The following ERC2 variants were observed in gnomAD, a reference collection of about 807,000 sequenced individuals.
The protein encoded by ERC2 is ELKS/RAB6-interacting/CAST family member 2.
In ERC2, 42 loss-of-function variants were observed where a neutral mutation model predicts 114.8. The ratio of observed to expected loss-of-function variants is 0.37; its 90% CI spans 0.29 to 0.47. The LOEUF (loss-of-function observed/expected upper bound fraction) is 0.47, where lower values mean the gene tolerates loss of function less well. Ranked by LOEUF, ERC2 falls within the 20% of genes least tolerant of loss-of-function variation. The pLI, the probability that ERC2 is intolerant of heterozygous loss-of-function variation, is 0.99. For missense variants in ERC2, 939 were observed against 1,150.7 expected, an observed-to-expected ratio of 0.82 and a Z score of 2.66; for synonymous variants, 454 against 425.5, an observed-to-expected ratio of 1.07 and a Z score of -0.82.
intron 17 of ERC2, among the ~76,000 whole-genome samples, chr3:55,514,871 G>A (rs963462908): frequency 2.0e-5 from 3 of 152,134 alleles, no homozygotes; most frequent in African/African-American, 7.2e-5. Context: ...CTAATAAATG[G>A]GTGCTATTTT....
intron 17 of ERC2, among the ~76,000 whole-genome samples, chr3:55,629,917 T>C (rs1273077469): frequency 6.6e-6 from 1 of 152,138 alleles, no homozygotes; most frequent in Non-Finnish European, 1.5e-5. Context: ...GCTCCAAGCA[T>C]ATGAGACAGC....
intron 4 of ERC2, among the ~76,000 whole-genome samples, chr3:56,149,833 C>T (rs1179280560): frequency 5.9e-5 from 9 of 152,052 alleles, no homozygotes; most frequent in Non-Finnish European, 1.2e-4. Context: ...GAGCCAACAA[C>T]TAGAAATATT....
At chr3:55,678,590 C>A (rs1009429135) in intron 17 of ERC2, among the ~76,000 whole-genome samples, 4 of 152,228 alleles carry the variant, frequency 2.6e-5, no homozygotes, top group Admixed American at 6.5e-5. Context: ...GAGCCACCCA[C>A]TCTTGAAGTT....
Position 55,730,037 on chromosome 3 carries a change from C to T in ERC2, c.2712+4734G>A, listed in dbSNP as rs559844622. On this transcript the variant is annotated intron_variant, in intron 15 of 17. Transcript: ENST00000288221. ...TGCACACTCCTATTAATTCCCATCACCCTGGACAGGTTGGGAGTCACAAGC... is the reference window on the plus strand; with the variant it reads ...TGCACACTCCTATTAATTCCCATCATCCTGGACAGGTTGGGAGTCACAAGC... Among the ~76,000 whole-genome samples, 6 of 152,044 alleles carry T rather than the reference C, an allele frequency of 3.9e-5. No homozygotes were observed. In the South Asian group the frequency reaches 1.3e-3, roughly 32 times the overall value.
chr3:55,617,538 C>A (rs2059171271), intron 17 of ERC2, among the ~76,000 whole-genome samples: 1 of 152,180 alleles, frequency 6.6e-6, no homozygotes, highest in Non-Finnish European at 1.5e-5. Flanking sequence ...GTCTCTTCAA[C>A]ACCCATGTGT....
chr3:55,813,357 G>A (rs1401808187), intron 14 of ERC2, among the ~76,000 whole-genome samples: 1 of 152,202 alleles, frequency 6.6e-6, no homozygotes, highest in Non-Finnish European at 1.5e-5. Context: ...GCCACGTGGA[G>A]CAAGTGGTTA....
chr3:55,508,752 C>T lies in ERC2; in HGVS notation c.*2564G>A, dbSNP rs2051909323. 6.6e-6 allele frequency: 1 copy of T among 152,492 alleles called. No individual in the cohort carries two copies. Among genetic ancestry groups the T allele is most frequent in the Admixed American group, 6.6e-5 (1 of 15,262 alleles). The allele number at this position is 152,492 out of a possible 1,614,324, so 9.4% of individuals were successfully genotyped here. A position where few individuals can be genotyped will look rare whatever the true frequency, so the allele number is the denominator to read the frequency against. On this transcript the variant is annotated 3_prime_UTR_variant, in exon 18 of 18. Coordinates refer to ENST00000288221, the MANE Select transcript of ERC2 (RefSeq NM_015576.3). ...CCACTTTCAAATGAAAGTTGACACG[C>T]TGTTAACGTGCATACTGGATACACA...
intron 3 of ERC2, among the ~76,000 whole-genome samples, chr3:56,216,911 C>T (rs368109863): frequency 3.1e-4 from 47 of 152,158 alleles, no homozygotes; most frequent in East Asian, 1.7e-3. Flanking sequence ...TCTCAATAGA[C>T]GCAGAAAAGG....
intron 12 of ERC2, among the ~76,000 whole-genome samples, chr3:55,952,136 AAC>A (rs778299355): frequency 0.023 from 1,744 of 75,302 alleles, 30 homozygotes; most frequent in Middle Eastern, 0.044. Flanking sequence ...CCATCTCTAA[AAC>A]ACACACACAC....
At chr3:55,864,816 A>G (rs1424649197) in intron 14 of ERC2, among the ~76,000 whole-genome samples, 1 of 151,970 alleles carries the variant, frequency 6.6e-6, no homozygotes, top group Non-Finnish European at 1.5e-5. Flanking sequence ...GGTCATCATC[A>G]CCATTGTCAT....
intron 14 of ERC2, among the ~76,000 whole-genome samples, chr3:55,807,985 A>C (rs2059554792): frequency 1.3e-5 from 2 of 152,152 alleles, no homozygotes; most frequent in South Asian, 4.2e-4. Flanking sequence ...TCAAGGGTTG[A>C]GGGTTAAATT....
chr3:56,221,799 G>T (rs1174289137), intron 3 of ERC2, among the ~76,000 whole-genome samples: 4 of 152,132 alleles, frequency 2.6e-5, no homozygotes, highest in African/African-American at 9.7e-5. Flanking sequence ...AGCTCCTTGG[G>T]AGGCTGAGGC....
chr3:56,277,461 T>C (rs976708595), intron 3 of ERC2, among the ~76,000 whole-genome samples: 3 of 152,176 alleles, frequency 2.0e-5, no homozygotes, highest in Admixed American at 6.5e-5. Context: ...CCCTCGTGAC[T>C]GTCACAGGCA....
At chr3:56,430,457 A>C (rs974787701) in intron 2 of ERC2, among the ~76,000 whole-genome samples, 1 of 152,218 alleles carries the variant, frequency 6.6e-6, no homozygotes, top group African/African-American at 2.4e-5. Flanking sequence ...TTAGATGTCC[A>C]TAATCCCTTG....
At chr3:56,208,589 G>C (rs553509571) in intron 3 of ERC2, among the ~76,000 whole-genome samples, 33 of 152,188 alleles carry the variant, frequency 2.2e-4, no homozygotes, top group Non-Finnish European at 3.8e-4. Flanking sequence ...AAAATAAGTA[G>C]CAATTCCTGA....
rs1266200613 is a variant in ERC2 at position 55,509,892 on chromosome 3, G to C, written c.*1424C>G. On this transcript the variant is annotated 3_prime_UTR_variant, in exon 18 of 18. Coordinates refer to ENST00000288221, the MANE Select transcript of ERC2 (RefSeq NM_015576.3). ...TCACTGTTTGTCCTTTAAAAATGCA[G>C]GTTTTCATCTCCCACTTGCATACAC... 2 of 152,574 alleles carry C rather than the reference G, an allele frequency of 1.3e-5. No homozygotes were observed. Among genetic ancestry groups the C allele is most frequent in the Non-Finnish European group, 2.9e-5 (2 of 68,036 alleles). The allele number at this position is 152,574 out of a possible 1,614,324, so 9.5% of individuals were successfully genotyped here.
chr3:55,938,830 A>G (rs2066607888), intron 13 of ERC2, among the ~76,000 whole-genome samples: 1 of 152,190 alleles, frequency 6.6e-6, no homozygotes, highest in Non-Finnish European at 1.5e-5. Context: ...GCCTTAGCAG[A>G]AAAAAAGGTA....
intron 7 of ERC2, among the ~76,000 whole-genome samples, chr3:56,026,561 CATTATCT>C (rs1429984515): frequency 3.3e-5 from 5 of 152,066 alleles, no homozygotes; most frequent in Non-Finnish European, 7.4e-5. Context: ...AGATGATGGC[CATTATCT>C]ATTAAGTGAT....
At chr3:56,461,665 G>A (rs921545408) in intron 1 of ERC2, among the ~76,000 whole-genome samples, 1 of 152,174 alleles carries the variant, frequency 6.6e-6, no homozygotes, top group African/African-American at 2.4e-5. Context: ...TAAAACATCT[G>A]AACAGCTATA....
Sources: gnomAD v4.1 joint callset for allele counts (sites outside exome capture counted in the v4.1 genomes callset) on GRCh38, gnomAD v4.1.1 for gene constraint, MANE v1.5 for transcripts, NCBI Gene and HGNC (gene_info 2026-07-23, HGNC 2026-07-21) for gene names.